ASIC2: variants seen among roughly 807,000 people sequenced by gnomAD.
The protein encoded by ASIC2 is acid-sensing ion channel 2.
Under a neutral mutation model 57.3 loss-of-function variants are expected in ASIC2, and 25 were observed. That is an observed-to-expected ratio of 0.44 (90% CI 0.32 to 0.61). The LOEUF is 0.61. Ranked by LOEUF, ASIC2 falls within the 20% of genes least tolerant of loss-of-function variation. The pLI, the probability that ASIC2 is intolerant of heterozygous loss-of-function variation, is 0.06. For synonymous variants in ASIC2, 319 were observed against 307.5 expected (o/e 1.04, Z -0.39); for missense variants, 641 against 738.1 (o/e 0.87, Z 1.52).
At chr17:33,267,665 A>G (rs1321274747) in intron 1 of ASIC2, among the ~76,000 whole-genome samples, 3 of 152,208 alleles carry the variant, frequency 2.0e-5, no homozygotes, top group African/African-American at 7.2e-5. Flanking sequence ...GGCAAGGGCA[A>G]CTGGAGTTCA....
intron 1 of ASIC2, among the ~76,000 whole-genome samples, chr17:33,899,245 A>G (rs993934190): frequency 6.6e-6 from 1 of 152,114 alleles, no homozygotes; most frequent in Non-Finnish European, 1.5e-5. Context: ...GCTTAGCCAC[A>G]TGACAGGGCG....
chr17:33,839,452 T>C (rs567963716), intron 1 of ASIC2, among the ~76,000 whole-genome samples: 1 of 152,218 alleles, frequency 6.6e-6, no homozygotes, highest in African/African-American at 2.4e-5. Context: ...GATCACCCAT[T>C]GTGGCAGTCA....
intron 1 of ASIC2, among the ~76,000 whole-genome samples, chr17:33,867,673 G>A (rs1351234134): frequency 6.6e-6 from 1 of 152,218 alleles, no homozygotes; most frequent in African/African-American, 2.4e-5. Flanking sequence ...TTCTCTCCTT[G>A]GGTAAATGCA....
chr17:33,499,282 G>C (rs1201788535), intron 1 of ASIC2, among the ~76,000 whole-genome samples: 1 of 152,218 alleles, frequency 6.6e-6, no homozygotes. Context: ...GTTGCAAGTT[G>C]AATTGTATCA....
At chr17:33,416,848 G>C (rs28555176) in intron 1 of ASIC2, among the ~76,000 whole-genome samples, 52,989 of 152,068 alleles carry the variant, frequency 0.35, 9,491 homozygotes, top group East Asian at 0.66. Context: ...CCGCTCATCT[G>C]TGAAAGGTCC....
chr17:33,074,266 ATCT>A (rs2092080785), intron 3 of ASIC2, among the ~76,000 whole-genome samples: 1 of 152,170 alleles, frequency 6.6e-6, no homozygotes, highest in Non-Finnish European at 1.5e-5. Flanking sequence ...ATATAGTAAA[ATCT>A]TCAAGGAAAA....
At chr17:33,709,986 A>T (rs140421107) in intron 1 of ASIC2, among the ~76,000 whole-genome samples, 107 of 152,192 alleles carry the variant, frequency 7.0e-4, no homozygotes, top group African/African-American at 2.4e-3. Flanking sequence ...TGACCTTGTT[A>T]TCTTTGTTCC....
chr17:33,403,460 C>T (rs1262861833), intron 1 of ASIC2, among the ~76,000 whole-genome samples: 5 of 152,174 alleles, frequency 3.3e-5, no homozygotes, highest in African/African-American at 1.2e-4. Flanking sequence ...TGGGCAGCTG[C>T]CACATGCTGC....
intron 1 of ASIC2, among the ~76,000 whole-genome samples, chr17:33,219,430 G>GCAGGAAA: frequency 6.6e-6 from 1 of 152,266 alleles, no homozygotes; most frequent in East Asian, 1.9e-4. Context: ...TGCCTCCTTG[G>GCAGGAAA]TAGACAACAG....
chr17:33,884,756 G>A (rs1378400661), intron 1 of ASIC2, among the ~76,000 whole-genome samples: 1 of 144,490 alleles, frequency 6.9e-6, no homozygotes, highest in Non-Finnish European at 1.5e-5. Context: ...TCTTTGACTT[G>A]CCTCTTCAAA....
intron 1 of ASIC2, among the ~76,000 whole-genome samples, chr17:33,397,073 G>C (rs536121079): frequency 6.6e-6 from 1 of 152,312 alleles, no homozygotes; most frequent in Admixed American, 6.5e-5. Context: ...TGTGGGGTAG[G>C]AATACAAGGA....
chr17:33,801,892 T>C (rs1400123987), intron 1 of ASIC2, among the ~76,000 whole-genome samples: 1 of 152,178 alleles, frequency 6.6e-6, no homozygotes, highest in African/African-American at 2.4e-5. Context: ...TGTTTAACTT[T>C]CCATCATCGC....
rs181504286 is a variant in ASIC2, at chr17:33,925,469, G to A, written c.555+230509C>T. ...TCTTTCTTCCAAGACTGCAGAATGGGGATTAGACCTCTCAGGGGAGTGTGG... is the reference window on the plus strand; with the variant it reads ...TCTTTCTTCCAAGACTGCAGAATGGAGATTAGACCTCTCAGGGGAGTGTGG... On this transcript the variant is annotated intron_variant, in intron 1 of 9. Transcript: ENST00000359872. 2.2e-3 allele frequency among the ~76,000 whole-genome samples: 329 copies of A among 152,278 alleles called. 4 individuals carry two copies. The highest frequency in any genetic ancestry group is 7.7e-3 in the African/African-American group (318 of 41,566).
At chr17:33,382,783 T>C (rs576104520) in intron 1 of ASIC2, among the ~76,000 whole-genome samples, 1 of 152,332 alleles carries the variant, frequency 6.6e-6, no homozygotes, top group Admixed American at 6.5e-5. Flanking sequence ...GCACCAGTGG[T>C]AAACAAAATA....
At chr17:33,074,176 C>A (rs1345781270) in intron 3 of ASIC2, among the ~76,000 whole-genome samples, 1 of 152,156 alleles carries the variant, frequency 6.6e-6, no homozygotes, top group East Asian at 1.9e-4. Context: ...AAAAGCATAA[C>A]CATTACTTTC....
intron 1 of ASIC2, among the ~76,000 whole-genome samples, chr17:33,820,739 G>A (rs1393190479): frequency 1.3e-5 from 2 of 152,102 alleles, no homozygotes; most frequent in African/African-American, 2.4e-5. Context: ...ACAGGATGTT[G>A]ACATGTTACT....
In ASIC2 at chr17:33,150,756, G is replaced by A. The variant is rs59237118; in HGVS notation, c.709-38689C>T. 6.5e-4 allele frequency among the ~76,000 whole-genome samples: 71 copies of A among 108,418 alleles called. 9 individuals are homozygous for A. The highest frequency in any genetic ancestry group is 2.1e-3 in the African/African-American group (51 of 24,826). 71.1% of individuals were successfully genotyped at this position (108,418 alleles called of 152,430 possible). ...TCCCAGCTACTTGGGAGGCTGAGGC[G>A]GGAGAATGGCGTGAACCCGGGAGGC... is the stretch of plus-strand genomic sequence containing the variant. On this transcript the variant is annotated intron_variant, in intron 1 of 9. Coordinates refer to ENST00000225823, the MANE Select transcript of ASIC2 (RefSeq NM_183377.2).
intron 1 of ASIC2, among the ~76,000 whole-genome samples, chr17:33,828,656 C>A (rs182992650): frequency 1.3e-5 from 2 of 151,936 alleles, no homozygotes; most frequent in Non-Finnish European, 2.9e-5. Flanking sequence ...TGTGAGAGCA[C>A]GTAAACTGGA....
At chr17:33,825,411 A>C (rs1228818685) in intron 1 of ASIC2, among the ~76,000 whole-genome samples, 1 of 152,166 alleles carries the variant, frequency 6.6e-6, no homozygotes, top group Non-Finnish European at 1.5e-5. Flanking sequence ...TGAGCCAGAG[A>C]CAGAGTCCTG....
Sources: allele counts gnomAD v4.1 joint callset (sites outside exome capture counted in the v4.1 genomes callset), GRCh38; gene constraint gnomAD v4.1.1; transcripts MANE v1.5; gene names NCBI Gene and HGNC (gene_info 2026-07-23, HGNC 2026-07-21).